The following MDN1 variants were observed in gnomAD, a reference collection of about 807,000 sequenced individuals.
MDN1 encodes the protein midasin AAA ATPase 1, also known as midasin.
Under a neutral mutation model 669.2 loss-of-function variants are expected in MDN1, and 266 were observed. The observed-to-expected ratio is 0.40, with a 90% CI of 0.36 to 0.44. The LOEUF (loss-of-function observed/expected upper bound fraction) is 0.44, where lower values mean the gene tolerates loss of function less well. MDN1 is among the 20% of genes least tolerant of loss of function. The pLI is 1.00. For missense variants in MDN1, 5,940 were observed against 6,754.0 expected, an observed-to-expected ratio of 0.88 and a Z score of 4.22; for synonymous variants, 2,385 against 2,457.1, an observed-to-expected ratio of 0.97 and a Z score of 0.87.
At position 89,710,752 on chromosome 6, in the gene MDN1, C is replaced by T; in HGVS notation, c.7694G>A (p.Arg2565Lys). ...IHLEASAASL[R>K]NFYSHSLSGA... ...TGAGAGGGAATGTGAGTAAAAATTC[C>T]TGAGAGATGCAGCACTGGCTTCCAA... The change falls in exon 50 of 102, where the codon AGG becomes AAG. Residue 2565 changes from arginine (R) to lysine (K), a missense_variant. Physicochemically the swap from Arg to Lys is conservative, Grantham distance 26 (BLOSUM62 2). This residue lies in a region of MDN1 where 2,292 missense variants were observed against 2,638.3 expected (regional missense o/e 0.87). Coordinates refer to ENST00000369393, the MANE Select transcript of MDN1 (RefSeq NM_014611.3). The T allele has an allele frequency of 6.2e-7, 1 of 1,601,696 alleles. No homozygotes were observed.
At chr6:89,677,896 A>G (rs1166990959) in intron 75 of MDN1, among the ~76,000 whole-genome samples, 200 bp from the exon 76 acceptor site, 1 of 152,246 alleles carries the variant, frequency 6.6e-6, no homozygotes, top group Non-Finnish European at 1.5e-5. Context: ...CAGGTGATTC[A>G]CATGCACGTT....
chr6:89,696,212 C>T lies in MDN1; in HGVS notation c.9383+148G>A, dbSNP rs897983354. ...ATGGGAACCAGCCAGCTCACGGTAGCCTGAAAACATGCTGATTCAGGCAGA... is the reference window on the plus strand; with the variant it reads ...ATGGGAACCAGCCAGCTCACGGTAGTCTGAAAACATGCTGATTCAGGCAGA... On this transcript the variant is annotated intron_variant, in intron 60 of 101. Coordinates refer to ENST00000369393, the MANE Select transcript of MDN1 (RefSeq NM_014611.3). 1.7e-5 allele frequency: 18 copies of T among 1,075,970 alleles called. No individual in the cohort carries two copies. The African/African-American group carries it at 2.4e-4, about 14-fold the overall frequency. 66.7% of individuals were successfully genotyped at this position (1,075,970 alleles called of 1,614,324 possible). A position where few individuals can be genotyped will look rare whatever the true frequency, so the allele number is the denominator to read the frequency against.
chr6:89,729,226 A>T (rs1163389167), intron 35 of MDN1, 87 bp from the exon 36 acceptor site: 7 of 1,023,730 alleles, frequency 6.8e-6, no homozygotes. Flanking sequence ...AAAATCTACC[A>T]CATGGGTTAT....
At chr6:89,710,380 A>C (rs1813808283) in intron 50 of MDN1, among the ~76,000 whole-genome samples, 1 of 152,112 alleles carries the variant, frequency 6.6e-6, no homozygotes, top group Non-Finnish European at 1.5e-5. Flanking sequence ...ATAAATGGAT[A>C]GTTTCAGGCC....
chr6:89,699,751 A>G lies in MDN1; in HGVS notation c.8871-24T>C, dbSNP rs1406127530. The G allele has an allele frequency of 1.9e-6, 3 of 1,611,800 alleles. No individual in the cohort carries two copies. In the South Asian group the frequency reaches 3.3e-5, roughly 18 times the overall value. ...ATCTGTTCCAAAAATAAAGAGGGAG[A>G]GGGTGGGGTATGGACTATCAATGAA... On this transcript the variant is annotated intron_variant, in intron 57 of 101. Coordinates refer to ENST00000369393, the MANE Select transcript of MDN1 (RefSeq NM_014611.3).
chr6:89,682,726 A>C (rs1358714617), intron 73 of MDN1, among the ~76,000 whole-genome samples: 1 of 122,064 alleles, frequency 8.2e-6, no homozygotes, highest in Non-Finnish European at 1.8e-5. Flanking sequence ...AAAAAAAAAA[A>C]ACTAAAAGTT....
In MDN1 at chr6:89,644,146, C is replaced by G; in HGVS notation, c.16650G>C (p.Glu5550Asp). 6.2e-7 allele frequency: 1 copy of G among 1,613,696 alleles called. No individual in the cohort carries two copies. Among genetic ancestry groups the G allele is most frequent in the East Asian group, 2.2e-5 (1 of 44,874 alleles). The change falls in exon 102 of 102, where the codon GAG becomes GAC. Residue 5550 changes from glutamate (E) to aspartate (D), a missense_variant. Physicochemically the swap from Glu to Asp is conservative, Grantham distance 45. Around this residue, in one of 5 missense-constraint regions of MDN1, gnomAD observed 2,280 missense variants for 2,576.3 expected, o/e 0.88. Coordinates refer to ENST00000369393, the MANE Select transcript of MDN1 (RefSeq NM_014611.3). The part of the protein sequence containing the change: ...IKVPIFKGPG[E>D]MPEIRSYMEE... The stretch of plus-strand genomic sequence containing the variant: ...CCATGTAGGATCGGATTTCAGGCAT[C>G]TCTCCAGGTCCTTTAAATATCGGTA...
At position 89,701,947 on chromosome 6, in the gene MDN1, G is replaced by C. The variant is rs1238853739; in HGVS notation, c.8263C>G (p.Leu2755Val). The part of the protein sequence containing the change: ...ALHWHWVLKH[L>V]VHQIPRLLMN... ...AGAAGTCGGGGGATCTGGTGGACCA[G>C]ATGTTTTAAAACCCAGTGCCAATGG... The change falls in exon 54 of 102, where the codon CTG (leucine) becomes GTG (valine). Residue 2755 changes from leucine (L) to valine (V), a missense_variant. Around this residue, in one of 5 missense-constraint regions of MDN1, gnomAD observed 2,292 missense variants for 2,638.3 expected, o/e 0.87. Transcript: ENST00000369393. 2 of 1,613,794 alleles carry C rather than the reference G, an allele frequency of 1.2e-6. No individual in the cohort carries two copies. The highest frequency in any genetic ancestry group is 1.7e-6 in the Non-Finnish European group (2 of 1,179,794).
At chr6:89,792,076 G>T (rs1031815504) in intron 5 of MDN1, among the ~76,000 whole-genome samples, 2 of 151,774 alleles carry the variant, frequency 1.3e-5, no homozygotes, top group Admixed American at 6.6e-5. Flanking sequence ...CACCATGTTA[G>T]CCAGGATGGT....
At chr6:89,644,428 T>C (rs927258682) in intron 101 of MDN1, among the ~76,000 whole-genome samples, 13 of 151,570 alleles carry the variant, frequency 8.6e-5, no homozygotes, top group Admixed American at 7.2e-4. Context: ...GGAAAAGGGA[T>C]AGACAGGAAA....
chr6:89,735,091 T>C (rs937386871), intron 33 of MDN1, among the ~76,000 whole-genome samples: 2 of 152,068 alleles, frequency 1.3e-5, no homozygotes, highest in Non-Finnish European at 2.9e-5. Context: ...GGATTTCCCA[T>C]GATGGCCAGT....
At chr6:89,799,526 A>T (rs946112586) in intron 2 of MDN1, among the ~76,000 whole-genome samples, 1 of 152,212 alleles carries the variant, frequency 6.6e-6, no homozygotes, top group Non-Finnish European at 1.5e-5. Flanking sequence ...TCTACTAAAA[A>T]TACAAAATTA....
Position 89,761,729 on chromosome 6 carries a change from T to C in MDN1, c.2376A>G (p.Lys792=). ...DSETGLLIKE[K]WEAFGLRLNH... is the part of the protein sequence containing the mutation. Reference sequence around the variant, plus strand: ...TGAGTCTAAGACCAAATGCTTCCCATTTCTCTTTTATGAGTAACCCTAAAA... The same window carrying C: ...TGAGTCTAAGACCAAATGCTTCCCACTTCTCTTTTATGAGTAACCCTAAAA... The change falls in exon 17 of 102, where the codon AAA becomes AAG. Residue 792 remains lysine, a synonymous_variant. Transcript: ENST00000369393. 6.2e-7 allele frequency: 1 copy of C among 1,609,578 alleles called. No individual in the cohort carries two copies. Among genetic ancestry groups the C allele is most frequent in the Non-Finnish European group, 8.5e-7 (1 of 1,177,360 alleles).
intron 27 of MDN1, 101 bp downstream of exon 27, chr6:89,747,228 C>A: frequency 7.3e-7 from 1 of 1,365,522 alleles, no homozygotes; most frequent in South Asian, 1.4e-5. Flanking sequence ...AATACCTAGT[C>A]AAATGTATGT....
chr6:89,772,526 G>A, intron 14 of MDN1, 47 bp downstream of exon 14: 1 of 1,582,932 alleles, frequency 6.3e-7, no homozygotes, highest in Non-Finnish European at 8.6e-7. Context: ...AAAAAAAGTA[G>A]TCAGTGTGAA....
chr6:89,668,397 T>C (rs917073272), intron 83 of MDN1, among the ~76,000 whole-genome samples: 1 of 152,210 alleles, frequency 6.6e-6, no homozygotes, highest in Non-Finnish European at 1.5e-5. Flanking sequence ...GCCTCTGGCA[T>C]GTGGTCATTT....
At position 89,780,286 on chromosome 6, in the gene MDN1, G is replaced by A; in HGVS notation, c.1651C>T (p.Leu551=). 3 of 1,561,530 alleles carry A rather than the reference G, an allele frequency of 1.9e-6. No homozygotes were observed. The highest frequency in any genetic ancestry group is 1.7e-6 in the Non-Finnish European group (2 of 1,156,760). Reference sequence around the variant, plus strand: ...TGGGCAATCCTATTACACCAATTCAGCAGATCCCTTTAAAAAAAAGAAAGA... The same window carrying A: ...TGGGCAATCCTATTACACCAATTCAACAGATCCCTTTAAAAAAAAGAAAGA... ...EGRELSLRDL[L]NWCNRIAHSF... Residue 551 remains leucine (L), a synonymous_variant, in exon 11 of 102, where the codon CTG becomes TTG. Transcript: ENST00000369393.
In MDN1 at chr6:89,695,530, T is replaced by C; in HGVS notation, c.9771+75A>G. On this transcript the variant is annotated intron_variant, in intron 61 of 101. Coordinates refer to ENST00000369393, the MANE Select transcript of MDN1 (RefSeq NM_014611.3). This position sits in a 1 kb window ranked among gnomAD's most constrained non-coding sequence, Gnocchi z 4.1. ...GATGATCTGAGCACCCAAAAGGGAA[T>C]AAAAGGAGTAATACAATAAGCAAAC... The C allele has an allele frequency of 6.7e-7, 1 of 1,501,632 alleles. No individual in the cohort carries two copies. Among genetic ancestry groups the C allele is most frequent in the Non-Finnish European group, 8.9e-7 (1 of 1,118,578 alleles). 93.0% of individuals were successfully genotyped at this position (1,501,632 alleles called of 1,614,324 possible).
chr6:89,814,701 G>C (rs1398967461), intron 1 of MDN1: 1 of 285,456 alleles, frequency 3.5e-6, no homozygotes. Flanking sequence ...CAGGATGCGA[G>C]GGCCTCCATG....
Sources: gnomAD v4.1 joint callset for allele counts (sites outside exome capture counted in the v4.1 genomes callset) on GRCh38, gnomAD v4.1.1 for gene constraint, gnomAD v4.1.1 regional missense constraint, Gnocchi (gnomAD v3.1) non-coding constraint, MANE v1.5 for transcripts, NCBI Gene and HGNC (gene_info 2026-07-23, HGNC 2026-07-21) for gene names.